TRIM35: variants seen among roughly 807,000 people sequenced by gnomAD.
The protein encoded by TRIM35 is tripartite motif containing 35, also known as E3 ubiquitin-protein ligase TRIM35.
TRIM35 carries 37 observed loss-of-function variants against 49.1 expected under a neutral mutation model. The ratio of observed to expected loss-of-function variants is 0.75; its 90% confidence interval spans 0.58 to 0.99. TRIM35 has a LOEUF of 0.99. TRIM35 is among the 50% of genes least tolerant of loss of function. The probability of loss-of-function intolerance (pLI) is 0.00; values close to 1 mark genes in which losing one functional copy is unlikely to be tolerated. For missense variants in TRIM35, 648 were observed against 702.7 expected (o/e 0.92, Z 0.88); for synonymous variants, 302 against 289.3 (o/e 1.04, Z -0.45).
At position 27,287,595 on chromosome 8, in the gene TRIM35, G is replaced by T. The variant is rs1802352899; in HGVS notation, c.1437C>A (p.Arg479=). The change falls in exon 6 of 6, where the codon CGC becomes CGA. Residue 479 remains arginine, a synonymous_variant. Transcript: ENST00000305364. This position sits in a 1 kb window ranked among gnomAD's most constrained non-coding sequence, Gnocchi z 6.0. ...ARGAGPPEPL[R]ICPLHISVKE... is the part of the protein sequence containing the mutation. ...TGACACTGATGTGCAAGGGGCAGAT[G>T]CGCAAAGGCTCTGGAGGCCCGGCGC... 2.5e-6 allele frequency: 4 copies of T among 1,604,552 alleles called. No individual in the cohort carries two copies. Among genetic ancestry groups the T allele is most frequent in the African/African-American group, 1.3e-5 (1 of 74,868 alleles).
intron 1 of TRIM35, among the ~76,000 whole-genome samples, chr8:27,303,716 A>G (rs13275002): frequency 0.45 from 69,046 of 152,064 alleles, 15,999 homozygotes; most frequent in African/African-American, 0.49. Flanking sequence ...TTTTTGAGAT[A>G]GAGTCTCATT....
chr8:27,289,786 A>G (rs1355430830), intron 4 of TRIM35, among the ~76,000 whole-genome samples: 1 of 152,076 alleles, frequency 6.6e-6, no homozygotes, highest in African/African-American at 2.4e-5. Flanking sequence ...CCCAACAACC[A>G]TCAACACAAA....
rs140692155 is a variant in TRIM35 at position 27,297,816 on chromosome 8, G to A, written c.531+648C>T. On this transcript the variant is annotated intron_variant, in intron 2 of 5. Transcript: ENST00000305364. ...AGGGACAGAAAGAAGGTGAGGCAGA[G>A]AAGTAAATGAGGTTGAGGATAGGCA... Among the ~76,000 whole-genome samples the A allele has an allele frequency of 8.5e-5, 13 of 152,342 alleles. No homozygotes were observed. In the East Asian group the frequency reaches 2.3e-3, roughly 27 times the overall value.
At chr8:27,294,480 G>A (rs1447645137) in intron 2 of TRIM35, among the ~76,000 whole-genome samples, 170 bp from the exon 3 acceptor site, 3 of 152,174 alleles carry the variant, frequency 2.0e-5, no homozygotes, top group East Asian at 1.9e-4. Flanking sequence ...TCTAAGTTCC[G>A]ATTTCAAATG....
intron 1 of TRIM35, among the ~76,000 whole-genome samples, chr8:27,308,523 G>C (rs1219975847): frequency 2.0e-5 from 3 of 152,120 alleles, no homozygotes; most frequent in African/African-American, 7.2e-5. Flanking sequence ...TTCTTACCAA[G>C]TGGTGGAGGG....
Position 27,288,120 on chromosome 8 carries a change from G to A in TRIM35, c.912C>T (p.Phe304=). The change falls in exon 6 of 6, where the codon TTC becomes TTT. Residue 304 remains phenylalanine (F), a synonymous_variant. Transcript: ENST00000305364. ...KMLASVESVP[F]SFDPNTAAGW... ...CAGCTGCGGTGTTGGGGTCAAAGCT[G>A]AAGGGTACTGCAAGCAGAGGCGGAA... 2 of 1,603,402 alleles carry A rather than the reference G, an allele frequency of 1.2e-6. No homozygotes were observed. The highest frequency in any genetic ancestry group is 2.2e-5 in the East Asian group (1 of 44,814).
intron 1 of TRIM35, among the ~76,000 whole-genome samples, chr8:27,310,108 G>C (rs1425408958): frequency 1.3e-5 from 2 of 152,144 alleles, no homozygotes; most frequent in Non-Finnish European, 2.9e-5. Context: ...GCTTCCTATG[G>C]GCTAAGATTA....
chr8:27,307,076 A>G (rs1429972963), intron 1 of TRIM35, among the ~76,000 whole-genome samples: 5 of 152,296 alleles, frequency 3.3e-5, no homozygotes, highest in Non-Finnish European at 5.9e-5. Context: ...AAGAATGCAT[A>G]CTTGTTCAAG....
chr8:27,291,892 C>T (rs1208432239), intron 3 of TRIM35, among the ~76,000 whole-genome samples: 1 of 152,128 alleles, frequency 6.6e-6, no homozygotes, highest in Non-Finnish European at 1.5e-5. Context: ...ATAACAAGCC[C>T]ACTCTCTCAA....
At chr8:27,302,269 G>T (rs1177883137) in intron 1 of TRIM35, among the ~76,000 whole-genome samples, 1 of 152,096 alleles carries the variant, frequency 6.6e-6, no homozygotes, top group African/African-American at 2.4e-5. Flanking sequence ...ACTAATCCAC[G>T]AACATAATAT....
intron 2 of TRIM35, among the ~76,000 whole-genome samples, chr8:27,294,822 G>GT (rs59648007): frequency 7.4e-5 from 11 of 149,408 alleles, no homozygotes; most frequent in East Asian, 3.9e-4. Flanking sequence ...CAAAAAGTTT[G>GT]TTTTTTTTTT....
intron 1 of TRIM35, among the ~76,000 whole-genome samples, chr8:27,306,710 A>G (rs182113407): frequency 1.1e-4 from 16 of 152,336 alleles, no homozygotes; most frequent in Non-Finnish European, 1.9e-4. Flanking sequence ...AGAAATACAC[A>G]TAGCAGGTAA....
In TRIM35 at chr8:27,294,971, C is replaced by T. The variant is rs546439299; in HGVS notation, c.532-661G>A. 4.5e-4 allele frequency among the ~76,000 whole-genome samples: 68 copies of T among 152,078 alleles called. 1 individual carries two copies. The highest frequency in any genetic ancestry group is 7.6e-4 in the Non-Finnish European group (52 of 68,024). ...CCGAGTAGCTGGGACTACAGGCACACGCCACCACGCCCAGCTAATTTTTGT... is the reference window on the plus strand; with the variant it reads ...CCGAGTAGCTGGGACTACAGGCACATGCCACCACGCCCAGCTAATTTTTGT... On this transcript the variant is annotated intron_variant, in intron 2 of 5. Coordinates refer to ENST00000305364, the MANE Select transcript of TRIM35 (RefSeq NM_171982.5).
rs769314129 is a variant in TRIM35 at position 27,310,964 on chromosome 8, C to A, written c.272G>T (p.Arg91Leu). ...KLLREEAEGA[R>L]WTSYRFSRVC... is the part of the protein sequence containing the mutation. ...ACGCGAGAAGCGGTAGCTGGTCCAG[C>A]GCGCGCCCTCGGCCTCCTCGCGCAG... The change falls in exon 1 of 6, where the codon CGC (arginine) becomes CTC (leucine). Residue 91 changes from arginine to leucine, a missense_variant. By Grantham distance (102) the Arg-to-Leu change is moderately radical (BLOSUM62 -2). Transcript: ENST00000305364. 2 of 1,612,176 alleles carry A rather than the reference C, an allele frequency of 1.2e-6. No homozygotes were observed. The highest frequency in any genetic ancestry group is 1.1e-5 in the South Asian group (1 of 90,954).
chr8:27,289,847 C>G (rs1802416396), intron 4 of TRIM35, among the ~76,000 whole-genome samples: 1 of 152,228 alleles, frequency 6.6e-6, no homozygotes, highest in Admixed American at 6.5e-5. Context: ...AGAAACAAGC[C>G]TGACATTGAC....
At position 27,310,889 on chromosome 8, in the gene TRIM35, T is replaced by C; in HGVS notation, c.347A>G (p.Lys116Arg). ...GQLSLFCLED[K>R]ELLCCSCQAD... Reference sequence around the variant, plus strand: ...CTGGCAGGAGCAGCACAGCAGCTCCTTGTCCTCGAGGCAGAAGAGGCTGAG... The same window carrying C: ...CTGGCAGGAGCAGCACAGCAGCTCCCTGTCCTCGAGGCAGAAGAGGCTGAG... Residue 116 changes from lysine to arginine, a missense_variant, in exon 1 of 6, where the codon AAG becomes AGG. Transcript: ENST00000305364. 1 of 1,612,938 alleles carries C rather than the reference T, an allele frequency of 6.2e-7. No individual in the cohort carries two copies. The highest frequency in any genetic ancestry group is 8.5e-7 in the Non-Finnish European group (1 of 1,179,850).
intron 3 of TRIM35, among the ~76,000 whole-genome samples, chr8:27,290,437 A>G (rs1442894551): frequency 2.0e-5 from 3 of 152,158 alleles, no homozygotes; most frequent in African/African-American, 7.2e-5. Flanking sequence ...GCCCTCACAA[A>G]TGGATTAATA....
chr8:27,299,785 G>T (rs1271061718), intron 1 of TRIM35, among the ~76,000 whole-genome samples: 1 of 152,186 alleles, frequency 6.6e-6, no homozygotes, highest in African/African-American at 2.4e-5. Context: ...GAGATGTTTG[G>T]AGAGCTTGGG....
chr8:27,288,158 C>T lies in TRIM35; in HGVS notation c.905-31G>A, dbSNP rs770592525. 35 of 1,576,094 alleles carry T rather than the reference C, an allele frequency of 2.2e-5. No homozygotes were observed. In the Admixed American group the frequency reaches 4.9e-4, roughly 22 times the overall value. On this transcript the variant is annotated intron_variant, in intron 5 of 5. Transcript: ENST00000305364. ...AGCAGAGGCGGAAATGGGGAATCAGCAAACCTGAGGTCCCTTAGGCCACAC... is the reference window on the plus strand; with the variant it reads ...AGCAGAGGCGGAAATGGGGAATCAGTAAACCTGAGGTCCCTTAGGCCACAC...
Sources: allele counts gnomAD v4.1 joint callset (sites outside exome capture counted in the v4.1 genomes callset), GRCh38; gene constraint gnomAD v4.1.1; non-coding constraint Gnocchi (gnomAD v3.1); transcripts MANE v1.5; gene names NCBI Gene and HGNC (gene_info 2026-07-23, HGNC 2026-07-21).